Variants in ADAT1 observed in about 807,000 individuals in gnomAD.
The protein encoded by ADAT1 is adenosine deaminase tRNA specific 1.
ADAT1 carries 58 observed loss-of-function variants against 58.6 expected under a neutral mutation model. The observed-to-expected ratio is 0.99, with a 90% confidence interval of 0.80 to 1.23. ADAT1 has a LOEUF of 1.23. ADAT1 is among the 50% of genes most tolerant of loss of function. ADAT1 has a pLI of 0.00. For missense variants in ADAT1, 741 were observed against 608.6 expected (o/e 1.22, Z -2.29); for synonymous variants, 254 against 220.8 (o/e 1.15, Z -1.33).
At chr16:75,617,307 C>T (rs149203549) in intron 4 of ADAT1, 35 bp from the exon 5 acceptor site, 43 of 1,598,454 alleles carry the variant, frequency 2.7e-5, no homozygotes, top group African/African-American at 2.7e-4. Flanking sequence ...GATGAACAAC[C>T]GATCTCTGTG....
chr16:75,613,132 C>T (rs1354149188), intron 5 of ADAT1, among the ~76,000 whole-genome samples: 2 of 152,192 alleles, frequency 1.3e-5, no homozygotes, highest in Admixed American at 1.3e-4. Flanking sequence ...ACACAATTCC[C>T]TAATAAGAAT....
At chr16:75,618,125 G>GAA (rs2081799160) in intron 4 of ADAT1, among the ~76,000 whole-genome samples, 1 of 104,564 alleles carries the variant, frequency 9.6e-6, no homozygotes, top group African/African-American at 3.8e-5. Context: ...AAAAAAAAAA[G>GAA]AGAGAACCAC....
chr16:75,613,590 T>A (rs1440230252), intron 5 of ADAT1, among the ~76,000 whole-genome samples: 1 of 152,100 alleles, frequency 6.6e-6, no homozygotes, highest in East Asian at 1.9e-4. Context: ...GGATTACAGG[T>A]GTGAGCCAGC....
intron 9 of ADAT1, among the ~76,000 whole-genome samples, chr16:75,601,107 G>A (rs1050155989): frequency 1.3e-5 from 2 of 152,146 alleles, no homozygotes; most frequent in Non-Finnish European, 2.9e-5. Context: ...TTGGGAGGCC[G>A]AAGCAGGCGG....
chr16:75,620,559 C>A, intron 2 of ADAT1, 72 bp downstream of exon 2: 1 of 1,543,550 alleles, frequency 6.5e-7, no homozygotes, highest in Non-Finnish European at 8.9e-7. Context: ...ACGACTGTAC[C>A]CTCACAGTAC....
Position 75,597,524 on chromosome 16 carries a change from C to T in ADAT1, c.*2692G>A, listed in dbSNP as rs2081102513. 2.8e-6 allele frequency: 1 copy of T among 350,940 alleles called. No homozygotes were observed. The highest frequency in any genetic ancestry group is 2.2e-5 in the South Asian group (1 of 45,640). The allele number at this position is 350,940 out of a possible 1,614,324, so 21.7% of individuals were successfully genotyped here. On this transcript the variant is annotated 3_prime_UTR_variant, in exon 10 of 10. Coordinates refer to ENST00000564657, the MANE Select transcript of ADAT1 (RefSeq NM_001324445.2). ...CATGGAAGATAATTTTTCCACAGAT[C>T]CGGGGTGGGGATAGGGGGATAGTTT...
chr16:75,611,888 T>C (rs1006748259), intron 6 of ADAT1, among the ~76,000 whole-genome samples: 1 of 151,678 alleles, frequency 6.6e-6, no homozygotes, highest in African/African-American at 2.4e-5. Context: ...TGAAACCCCG[T>C]CTCTACTAAA....
At chr16:75,601,261 A>G (rs1286816415) in intron 9 of ADAT1, among the ~76,000 whole-genome samples, 2 of 151,554 alleles carry the variant, frequency 1.3e-5, no homozygotes, top group Non-Finnish European at 2.9e-5. Flanking sequence ...AATCACTTGA[A>G]CCCAGGAAGC....
chr16:75,620,061 C>T (rs571065044), intron 3 of ADAT1, among the ~76,000 whole-genome samples: 11 of 152,194 alleles, frequency 7.2e-5, no homozygotes, highest in East Asian at 3.9e-4. Flanking sequence ...TTCAGTTATT[C>T]GGAAAGCATG....
chr16:75,597,198 T>G lies in ADAT1; in HGVS notation c.*3018A>C, dbSNP rs938860670. The G allele has an allele frequency of 7.9e-6, 2 of 252,854 alleles. No homozygotes were observed. Among genetic ancestry groups the G allele is most frequent in the African/African-American group, 4.5e-5 (2 of 44,126 alleles). 15.7% of individuals were successfully genotyped at this position (252,854 alleles called of 1,614,324 possible). A position where few individuals can be genotyped will look rare whatever the true frequency, so the allele number is the denominator to read the frequency against. ...TAGAGTCTTTGCAGATCTAGTTAGT[T>G]AAGATGAAATCAGACTGGATTAGGG... is the stretch of plus-strand genomic sequence containing the variant. On this transcript the variant is annotated 3_prime_UTR_variant, in exon 10 of 10. Transcript: ENST00000564657.
At chr16:75,615,258 T>G (rs1465334088) in intron 5 of ADAT1, among the ~76,000 whole-genome samples, 1 of 151,594 alleles carries the variant, frequency 6.6e-6, no homozygotes, top group Non-Finnish European at 1.5e-5. Flanking sequence ...GAAATTAGTT[T>G]TGCAAAATTC....
chr16:75,600,026 T>A lies in ADAT1; in HGVS notation c.*190A>T, dbSNP rs1208151805. The A allele has an allele frequency of 2.9e-6, 4 of 1,398,396 alleles. No individual in the cohort carries two copies. Among genetic ancestry groups the A allele is most frequent in the Non-Finnish European group, 3.7e-6 (4 of 1,073,752 alleles). 86.6% of individuals were successfully genotyped at this position (1,398,396 alleles called of 1,614,324 possible). ...GTGAGGTCATTAGTGAGATGCCATT[T>A]TAGCAGAGAGCTACTTCAATCAAGT... is the stretch of plus-strand genomic sequence containing the variant. On this transcript the variant is annotated 3_prime_UTR_variant, in exon 10 of 10. Coordinates refer to ENST00000564657, the MANE Select transcript of ADAT1 (RefSeq NM_001324445.2).
At chr16:75,610,452 A>T (rs1490375504) in intron 6 of ADAT1, among the ~76,000 whole-genome samples, 2 of 152,070 alleles carry the variant, frequency 1.3e-5, no homozygotes, top group Non-Finnish European at 2.9e-5. Context: ...GTGTGCCACC[A>T]CACCTGGCTG....
rs1009531813 is a variant in ADAT1 at position 75,597,280 on chromosome 16, C to G, written c.*2936G>C. 5.2e-6 allele frequency: 2 copies of G among 383,006 alleles called. No homozygotes were observed. Among genetic ancestry groups the G allele is most frequent in the Non-Finnish European group, 1.0e-5 (2 of 191,362 alleles). 23.7% of individuals were successfully genotyped at this position (383,006 alleles called of 1,614,324 possible). On this transcript the variant is annotated 3_prime_UTR_variant, in exon 10 of 10. Transcript: ENST00000564657. ...TAAGTAGGCCATGGAAAGACACAGA[C>G]ACAGGGAAGAAGGCCATGCGAGACA...
At chr16:75,601,861 G>T (rs966159488) in intron 9 of ADAT1, 5 of 152,176 alleles carry the variant, frequency 3.3e-5, no homozygotes, top group African/African-American at 4.8e-5. Context: ...TATGCATGAT[G>T]GCGATGCCTC....
At chr16:75,621,486 T>C (rs916405866) in intron 1 of ADAT1, among the ~76,000 whole-genome samples, 2 of 152,028 alleles carry the variant, frequency 1.3e-5, no homozygotes, top group Non-Finnish European at 2.9e-5. Context: ...TCTGTCAAAA[T>C]AGTGATAACA....
intron 6 of ADAT1, among the ~76,000 whole-genome samples, 196 bp downstream of exon 6, chr16:75,612,047 G>C (rs962770234): frequency 6.6e-6 from 1 of 152,108 alleles, no homozygotes; most frequent in Non-Finnish European, 1.5e-5. Context: ...GACAGAGCAA[G>C]ACTCCGTCTC....
In ADAT1 at chr16:75,598,222, G is replaced by A. The variant is rs140235534; in HGVS notation, c.*1994C>T. 1.7e-3 allele frequency: 590 copies of A among 350,624 alleles called. 5 individuals carry two copies. In the Middle Eastern group the frequency reaches 0.024, roughly 14 times the overall value. The allele number at this position is 350,624 out of a possible 1,614,324, so 21.7% of individuals were successfully genotyped here. A position where few individuals can be genotyped will look rare whatever the true frequency, so the allele number is the denominator to read the frequency against. On this transcript the variant is annotated 3_prime_UTR_variant, in exon 10 of 10. Transcript: ENST00000564657. ...CTCCTGAGTAGTTGGGACTATAGGC[G>A]TGCGCCAATACACCTGGCTAATTTT... is the stretch of plus-strand genomic sequence containing the variant.
At chr16:75,604,456 AATAT>A (rs769971149) in intron 8 of ADAT1, among the ~76,000 whole-genome samples, 9 of 48,784 alleles carry the variant, frequency 1.8e-4, no homozygotes, top group African/African-American at 9.8e-4. Context: ...AAAAAAAAAA[AATAT>A]ATATATATAT....
Sources: gnomAD v4.1 joint callset for allele counts (sites outside exome capture counted in the v4.1 genomes callset) on GRCh38, gnomAD v4.1.1 for gene constraint, MANE v1.5 for transcripts, NCBI Gene and HGNC (gene_info 2026-07-23, HGNC 2026-07-21) for gene names.